Variants in DPY19L2 observed in about 807,000 individuals in gnomAD.
The protein encoded by DPY19L2 is dpy-19 like 2.
Under a neutral mutation model 97.9 loss-of-function variants are expected in DPY19L2, and 34 were observed. The ratio of observed to expected loss-of-function variants is 0.35; its 90% confidence interval spans 0.26 to 0.46. The LOEUF (loss-of-function observed/expected upper bound fraction) is 0.46, where lower values mean the gene tolerates loss of function less well. DPY19L2 is among the 20% of genes least tolerant of loss of function. The pLI, the probability that DPY19L2 is intolerant of heterozygous loss-of-function variation, is 1.00. For missense variants in DPY19L2, 623 were observed against 911.4 expected (o/e 0.68, Z 4.07); for synonymous variants, 230 against 307.9 (o/e 0.75, Z 2.65).
At chr12:63,572,703 C>T (rs1879106097) in intron 19 of DPY19L2, among the ~76,000 whole-genome samples, 1 of 152,032 alleles carries the variant, frequency 6.6e-6, no homozygotes, top group African/African-American at 2.4e-5. Context: ...TCACACCCCA[C>T]CCCCAGCTCC....
intron 11 of DPY19L2, among the ~76,000 whole-genome samples, chr12:63,609,559 A>G (rs1386016900): frequency 1.3e-5 from 2 of 152,214 alleles, no homozygotes; most frequent in East Asian, 3.9e-4. Context: ...CAAACCACAA[A>G]AAGGGCTTTC....
chr12:63,600,596 C>G (rs891635403), intron 12 of DPY19L2, among the ~76,000 whole-genome samples: 1 of 137,192 alleles, frequency 7.3e-6, no homozygotes, highest in African/African-American at 2.7e-5. Context: ...CACTAGAATT[C>G]TACATATCCT....
intron 8 of DPY19L2, among the ~76,000 whole-genome samples, chr12:63,621,608 A>G (rs1400845240): frequency 2.0e-5 from 3 of 152,182 alleles, no homozygotes; most frequent in African/African-American, 7.2e-5. Flanking sequence ...CTACATATGC[A>G]TGACATTAGA....
chr12:63,639,782 A>G (rs1033975091), intron 6 of DPY19L2, among the ~76,000 whole-genome samples: 6 of 152,184 alleles, frequency 3.9e-5, no homozygotes, highest in Admixed American at 6.5e-5. Context: ...CCACTGTGGA[A>G]GACAGTGTGG....
Position 63,644,431 on chromosome 12 carries a change from A to G in DPY19L2, c.775T>C (p.Leu259=), listed in dbSNP as rs748199872. The G allele has an allele frequency of 2.5e-6, 4 of 1,611,898 alleles. No homozygotes were observed. In the Admixed American group the frequency reaches 5.0e-5, roughly 20 times the overall value. The part of the protein sequence containing the change: ...IFILNGLMMG[L]FFMYGAYLSG... ...AGGTATGCTCCATACATGAAGAACA[A>G]TCCCATCATTAGTCCATTTAAAATA... Residue 259 remains leucine (L), a synonymous_variant, in exon 6 of 22, where the codon TTG becomes CTG. Coordinates refer to ENST00000324472, the MANE Select transcript of DPY19L2 (RefSeq NM_173812.5).
chr12:63,603,147 C>T (rs1885452896), intron 12 of DPY19L2, among the ~76,000 whole-genome samples: 1 of 151,956 alleles, frequency 6.6e-6, no homozygotes, highest in South Asian at 2.1e-4. Context: ...GCCTCAAAAG[C>T]TTTATCAATA....
At chr12:63,637,616 G>A (rs1156756586) in intron 6 of DPY19L2, among the ~76,000 whole-genome samples, 1 of 152,062 alleles carries the variant, frequency 6.6e-6, no homozygotes, top group Non-Finnish European at 1.5e-5. Context: ...TAGAAGAAAT[G>A]GATAAATTCC....
At chr12:63,629,521 G>A (rs1482635475) in intron 6 of DPY19L2, among the ~76,000 whole-genome samples, 1 of 152,064 alleles carries the variant, frequency 6.6e-6, no homozygotes, top group Admixed American at 6.6e-5. Flanking sequence ...AGAGTAAAAA[G>A]AATAAAAAGA....
intron 4 of DPY19L2, among the ~76,000 whole-genome samples, chr12:63,653,347 C>T (rs1181253582): frequency 1.3e-5 from 2 of 151,942 alleles, no homozygotes; most frequent in East Asian, 3.9e-4. Flanking sequence ...ATTGCTTGAG[C>T]CCAGGAGTTT....
At chr12:63,569,422 G>A (rs1878385522) in intron 20 of DPY19L2, 73 bp from the exon 21 acceptor site, 11 of 1,174,896 alleles carry the variant, frequency 9.4e-6, no homozygotes, top group African/African-American at 1.6e-5. Context: ...AATCTTACTA[G>A]CAAATTGAAA....
At chr12:63,644,352 C>T (rs751997665) in intron 6 of DPY19L2, 51 bp downstream of exon 6, 4 of 1,559,148 alleles carry the variant, frequency 2.6e-6, no homozygotes, top group Non-Finnish European at 2.6e-6. Context: ...CAAATATCAG[C>T]CAGTCTGTAA....
Position 63,650,637 on chromosome 12 carries a change from G to A in DPY19L2, c.589-3272C>T, listed in dbSNP as rs148419632. ...ACCTAGGAATACAGCTAATTAGAGC[G>A]GAGAAAAATCTCTACAATGAGAATT... On this transcript the variant is annotated intron_variant, in intron 4 of 21. Transcript: ENST00000324472. 9.0e-3 allele frequency among the ~76,000 whole-genome samples: 1,364 copies of A among 152,108 alleles called. 29 individuals are homozygous for A. Among genetic ancestry groups the A allele is most frequent in the African/African-American group, 0.03 (1,244 of 41,492 alleles).
At chr12:63,654,489 T>C (rs1894697941) in intron 4 of DPY19L2, among the ~76,000 whole-genome samples, 2 of 152,116 alleles carry the variant, frequency 1.3e-5, no homozygotes, top group South Asian at 2.1e-4. Flanking sequence ...TATTAATAAC[T>C]ATATTAAATG....
intron 18 of DPY19L2, 44 bp from the exon 19 acceptor site, chr12:63,580,880 G>A (rs1880759396): frequency 6.4e-7 from 1 of 1,568,612 alleles, no homozygotes; most frequent in African/African-American, 1.4e-5. Flanking sequence ...TATATGAAGA[G>A]TACCGTAGGG....
intron 16 of DPY19L2, among the ~76,000 whole-genome samples, chr12:63,588,757 T>TG (rs1214683423): frequency 6.8e-6 from 1 of 147,980 alleles, no homozygotes; most frequent in Non-Finnish European, 1.5e-5. Context: ...TTTTTTTTTT[T>TG]TTTTTTTGTT....
At chr12:63,584,546 G>A (rs1243107647) in intron 16 of DPY19L2, among the ~76,000 whole-genome samples, 1 of 152,164 alleles carries the variant, frequency 6.6e-6, no homozygotes, top group Non-Finnish European at 1.5e-5. Context: ...ACTGAATAGT[G>A]AAATCTCAAG....
At chr12:63,593,309 T>G (rs1394162987) in intron 16 of DPY19L2, among the ~76,000 whole-genome samples, 1 of 152,180 alleles carries the variant, frequency 6.6e-6, no homozygotes, top group African/African-American at 2.4e-5. Context: ...CAAAGGACTA[T>G]AAATCATGCT....
chr12:63,598,541 C>T (rs1211571086), intron 13 of DPY19L2, among the ~76,000 whole-genome samples: 1 of 152,124 alleles, frequency 6.6e-6, no homozygotes, highest in East Asian at 1.9e-4. Context: ...TATATACAAC[C>T]TGCTCTTGGT....
At chr12:63,611,910 A>T (rs1327233236) in intron 11 of DPY19L2, among the ~76,000 whole-genome samples, 1 of 152,056 alleles carries the variant, frequency 6.6e-6, no homozygotes, top group Non-Finnish European at 1.5e-5. Context: ...AAACCTAAAG[A>T]TCTAAGAATT....
Sources: allele counts gnomAD v4.1 joint callset (sites outside exome capture counted in the v4.1 genomes callset), GRCh38; gene constraint gnomAD v4.1.1; transcripts MANE v1.5; gene names NCBI Gene and HGNC (gene_info 2026-07-23, HGNC 2026-07-21).